The following CACNA1G variants were observed in gnomAD, a reference collection of about 807,000 sequenced individuals.
CACNA1G encodes voltage-dependent T-type calcium channel subunit alpha-1G.
Under a neutral mutation model 219.4 loss-of-function variants are expected in CACNA1G, and 67 were observed. The observed-to-expected ratio is 0.31, with a 90% CI of 0.25 to 0.37. The LOEUF is 0.37. Ranked by LOEUF, CACNA1G falls within the 10% of genes least tolerant of loss-of-function variation. CACNA1G has a pLI of 1.00. For synonymous variants in CACNA1G, 1,296 were observed against 1,345.3 expected (o/e 0.96, Z 0.80); for missense variants, 2,380 against 3,231.4 (o/e 0.74, Z 6.39).
chr17:50,569,000 G>GTA lies in CACNA1G; in HGVS notation c.354+20_354+21insAT, dbSNP rs1360803136. 6.6e-7 allele frequency: 1 copy of GTA among 1,505,604 alleles called. No individual in the cohort carries two copies. The highest frequency in any genetic ancestry group is 8.9e-7 in the Non-Finnish European group (1 of 1,118,294). The allele number at this position is 1,505,604 out of a possible 1,614,324, so 93.3% of individuals were successfully genotyped here. On this transcript the variant is annotated intron_variant, in intron 2 of 37. Transcript: ENST00000359106. The stretch of plus-strand genomic sequence containing the variant: ...CCTGCAGGTGAGTGTGTGTGTGTGT[G>GTA]TGTGTGTGTGTGTGTTGTGTGTGTT...
At position 50,561,537 on chromosome 17, in the gene CACNA1G, G is replaced by C. The variant is rs577987926; in HGVS notation, c.78G>C (p.Ser26=). The C allele has an allele frequency of 1.3e-5, 20 of 1,538,226 alleles. No individual in the cohort carries two copies. Among genetic ancestry groups the C allele is most frequent in the Non-Finnish European group, 1.7e-6 (2 of 1,146,364 alleles). ...GCTTCATGCGGCTCAACGACCTGTCGGGGGCCGGGGGCCGGCCGGGGCCGG... is the reference window on the plus strand; with the variant it reads ...GCTTCATGCGGCTCAACGACCTGTCCGGGGCCGGGGGCCGGCCGGGGCCGG... ...PRSFMRLNDL[S]GAGGRPGPGS... The change falls in exon 1 of 38, where the codon TCG becomes TCC. Residue 26 remains serine (S), a synonymous_variant. Transcript: ENST00000359106.
chr17:50,592,420 G>A (rs1568070422), intron 13 of CACNA1G, among the ~76,000 whole-genome samples: 1 of 152,156 alleles, frequency 6.6e-6, no homozygotes, highest in Admixed American at 6.5e-5. Context: ...GGACTCCTGA[G>A]CACAGTGCTC....
chr17:50,616,016 A>G (rs993208118), intron 27 of CACNA1G, among the ~76,000 whole-genome samples: 4 of 152,192 alleles, frequency 2.6e-5, no homozygotes, highest in Non-Finnish European at 5.9e-5. Flanking sequence ...GTCATCTAGT[A>G]CATTCTCATG....
chr17:50,586,004 T>A (rs1296269468), intron 9 of CACNA1G, among the ~76,000 whole-genome samples: 1 of 152,178 alleles, frequency 6.6e-6, no homozygotes, highest in Non-Finnish European at 1.5e-5. Context: ...CACGAGTGAC[T>A]GGTCCAAGCC....
In CACNA1G at chr17:50,586,494, C is replaced by T. The variant is rs576473396; in HGVS notation, c.2302-3977C>T. Among the ~76,000 whole-genome samples the T allele has an allele frequency of 2.6e-5, 4 of 152,344 alleles. No individual in the cohort carries two copies. In the East Asian group the frequency reaches 5.8e-4, roughly 22 times the overall value. On this transcript the variant is annotated intron_variant, in intron 9 of 37. Coordinates refer to ENST00000359106, the MANE Select transcript of CACNA1G (RefSeq NM_018896.5). The stretch of plus-strand genomic sequence containing the variant: ...TCCCCACTGGCCCACTGACCTCAGC[C>T]GGGATTGAGCTCCCGTGGCTCCTGG...
rs2146296612 is a variant in CACNA1G at position 50,618,983 on chromosome 17, C to T, written c.5756C>T (p.Ser1919Phe). The T allele has an allele frequency of 2.0e-6, 3 of 1,536,340 alleles. No individual in the cohort carries two copies. Among genetic ancestry groups the T allele is most frequent in the South Asian group, 1.3e-5 (1 of 78,826 alleles). ...LHPAAHARSASHFSLEHPTDR... is the reference protein window; with the variant it reads ...LHPAAHARSAFHFSLEHPTDR... ...CCAGCGGCCCACGCGAGATCAGCCT[C>T]CCACTTTTCCCTGGAGCACCCCACG... Residue 1919 changes from serine (S) to phenylalanine (F), a missense_variant, in exon 33 of 38, where the codon TCC becomes TTC. This residue lies in a region of CACNA1G where 672 missense variants were observed against 670.5 expected (regional missense o/e 1.00). Transcript: ENST00000359106. The surrounding 1 kb of genome is among the most constrained non-coding windows in gnomAD (Gnocchi z 5.3).
Position 50,617,379 on chromosome 17 carries a change from G to GCCCCCTCCTTCAGGAA in CACNA1G, c.5022-50_5022-35dup. 6.4e-7 allele frequency: 1 copy of GCCCCCTCCTTCAGGAA among 1,558,182 alleles called. No individual in the cohort carries two copies. The highest frequency in any genetic ancestry group is 8.7e-7 in the Non-Finnish European group (1 of 1,145,322). On this transcript the variant is annotated intron_variant, in intron 28 of 37. Coordinates refer to ENST00000359106, the MANE Select transcript of CACNA1G (RefSeq NM_018896.5). The surrounding 1 kb of genome is among the most constrained non-coding windows in gnomAD (Gnocchi z 5.8). ...AGCCCTGTCTTTCTGTGCCACGACT[G>GCCCCCTCCTTCAGGAA]CCCCCTCCTTCAGGAACCCCCTCCC...
intron 9 of CACNA1G, among the ~76,000 whole-genome samples, chr17:50,585,695 G>C (rs1464294697): frequency 6.6e-6 from 1 of 152,124 alleles, no homozygotes; most frequent in Non-Finnish European, 1.5e-5. Flanking sequence ...GGGAAGACCA[G>C]GACCATGATC....
At chr17:50,605,827 T>A in intron 22 of CACNA1G, 71 bp from the exon 23 acceptor site, 1 of 1,567,404 alleles carries the variant, frequency 6.4e-7, no homozygotes, top group Non-Finnish European at 8.7e-7. Flanking sequence ...GGCGTGGGGG[T>A]GGGGCTCAGG....
In CACNA1G at chr17:50,569,186, G is replaced by A. The variant is rs1223904275; in HGVS notation, c.376G>A (p.Ala126Thr). Residue 126 changes from alanine to threonine, a missense_variant, in exon 3 of 38, where the codon GCC becomes ACC. Ala to Thr is a moderately conservative substitution (Grantham distance 58, BLOSUM62 0). Transcript: ENST00000359106. ...TCAGGCCTTTGATGACTTCATCTTT[G>A]CCTTCTTTGCCGTGGAGATGGTGGT... ...ILQAFDDFIF[A>T]FFAVEMVVKM... The A allele has an allele frequency of 6.2e-7, 1 of 1,613,850 alleles. No homozygotes were observed.
chr17:50,601,454 G>A (rs761747061), intron 19 of CACNA1G, among the ~76,000 whole-genome samples: 8 of 152,140 alleles, frequency 5.3e-5, no homozygotes, highest in South Asian at 2.1e-4. Context: ...GGGCACACGC[G>A]TGAGTCGGGG....
At chr17:50,610,028 G>T in intron 26 of CACNA1G, 93 bp downstream of exon 26, 1 of 1,336,760 alleles carries the variant, frequency 7.5e-7, no homozygotes. Context: ...GGGGTGAAAG[G>T]GTGAGGGTCC....
chr17:50,612,245 G>A (rs866155805), intron 26 of CACNA1G, among the ~76,000 whole-genome samples: 4 of 152,230 alleles, frequency 2.6e-5, no homozygotes, highest in East Asian at 3.9e-4. Flanking sequence ...CACGTGCACC[G>A]CACCTCCCTG....
In CACNA1G at chr17:50,592,654, A is replaced by C. The variant is rs558441120; in HGVS notation, c.2910+562A>C. ...TTCGTCACAGGCAGCGTCATCAATTAATATTGATTTACATTGATCCTGCCC... is the reference window on the plus strand; with the variant it reads ...TTCGTCACAGGCAGCGTCATCAATTCATATTGATTTACATTGATCCTGCCC... On this transcript the variant is annotated intron_variant, in intron 13 of 37. Coordinates refer to ENST00000359106, the MANE Select transcript of CACNA1G (RefSeq NM_018896.5). Among the ~76,000 whole-genome samples, 4 of 152,294 alleles carry C rather than the reference A, an allele frequency of 2.6e-5. No homozygotes were observed. In the South Asian group the frequency reaches 8.3e-4, roughly 32 times the overall value.
intron 11 of CACNA1G, 47 bp from the exon 12 acceptor site, chr17:50,591,692 G>T (rs759308913): frequency 6.2e-7 from 1 of 1,610,428 alleles, no homozygotes; most frequent in East Asian, 2.2e-5. Context: ...GAGGGGTGAG[G>T]AGCACTGGGC....
rs372110508 is a variant in CACNA1G, at chr17:50,571,843, G to T, written c.587-35G>T. On this transcript the variant is annotated intron_variant, in intron 4 of 37. Coordinates refer to ENST00000359106, the MANE Select transcript of CACNA1G (RefSeq NM_018896.5). The surrounding 1 kb of genome is among the most constrained non-coding windows in gnomAD (Gnocchi z 4.3). ...CGTGGCAGTCAGCCTAGCCCGGCCA[G>T]CCTGGTGTCCCCAGCGTGGCTTCTG... is the stretch of plus-strand genomic sequence containing the variant. 4 of 1,609,832 alleles carry T rather than the reference G, an allele frequency of 2.5e-6. No homozygotes were observed. In the African/African-American group the frequency reaches 5.3e-5, roughly 21 times the overall value.
chr17:50,611,956 A>G (rs2049305520), intron 26 of CACNA1G, among the ~76,000 whole-genome samples: 1 of 152,216 alleles, frequency 6.6e-6, no homozygotes. Flanking sequence ...ACACGCAGGC[A>G]TGTACACCAG....
In CACNA1G at chr17:50,599,772, C is replaced by A. The variant is rs757513515; in HGVS notation, c.3603C>A (p.Gly1201=). The change falls in exon 17 of 38, where the codon GGC becomes GGA. Residue 1201 remains glycine, a synonymous_variant. Coordinates refer to ENST00000359106, the MANE Select transcript of CACNA1G (RefSeq NM_018896.5). ...CTTCTGAGCACCAGGACTGCAATGG[C>A]AAGTCGGCTTCAGGGCGCCTGGCCC... ...GSASEHQDCN[G]KSASGRLARA... 1 of 1,613,462 alleles carries A rather than the reference C, an allele frequency of 6.2e-7. No homozygotes were observed. Among genetic ancestry groups the A allele is most frequent in the Non-Finnish European group, 8.5e-7 (1 of 1,179,848 alleles).
At chr17:50,610,194 C>T (rs2048918246) in intron 26 of CACNA1G, among the ~76,000 whole-genome samples, 1 of 152,212 alleles carries the variant, frequency 6.6e-6, no homozygotes, top group South Asian at 2.1e-4. Flanking sequence ...GCCGGCCAAG[C>T]TCCCCACCTC....
Sources: allele counts gnomAD v4.1 joint callset (sites outside exome capture counted in the v4.1 genomes callset), GRCh38; gene constraint gnomAD v4.1.1; regional missense constraint gnomAD v4.1.1; non-coding constraint Gnocchi (gnomAD v3.1); transcripts MANE v1.5; gene names NCBI Gene and HGNC (gene_info 2026-07-23, HGNC 2026-07-21).